The following BABAM2 variants were observed in gnomAD, a reference collection of about 807,000 sequenced individuals.
BABAM2 encodes the protein BRISC and BRCA1 A complex member 2, also known as BRISC and BRCA1-A complex member 2.
A neutral mutation model predicts 54.7 loss-of-function variants in BABAM2; 31 were observed. The ratio of observed to expected loss-of-function variants is 0.57; its 90% CI spans 0.43 to 0.77. The LOEUF (loss-of-function observed/expected upper bound fraction) is 0.77, where lower values mean the gene tolerates loss of function less well. BABAM2 is among the 30% of genes least tolerant of loss of function. The pLI, the probability that BABAM2 is intolerant of heterozygous loss-of-function variation, is 0.00. For synonymous variants in BABAM2, 167 were observed against 162.9 expected (o/e 1.03, Z -0.19); for missense variants, 364 against 455.8 (o/e 0.80, Z 1.83).
chr2:28,216,793 C>A (rs529968507), intron 7 of BABAM2, among the ~76,000 whole-genome samples: 17 of 150,716 alleles, frequency 1.1e-4, no homozygotes, highest in African/African-American at 4.1e-4. Flanking sequence ...CAGTAACTTA[C>A]CCTCTCCTTC....
In BABAM2 at chr2:28,170,927, A is replaced by G. The variant is rs142946494; in HGVS notation, c.680+41547A>G. ...TGTTTAAGTAAAGAACACGGTATAA[A>G]AGGATATATGCTTCAGAGTACATTT... is the stretch of plus-strand genomic sequence containing the variant. On this transcript the variant is annotated intron_variant, in intron 7 of 11. Coordinates refer to ENST00000379624, the MANE Select transcript of BABAM2 (RefSeq NM_199191.3). Among the ~76,000 whole-genome samples, 250 of 152,286 alleles carry G rather than the reference A, an allele frequency of 1.6e-3. 3 individuals are homozygous for G. The highest frequency in any genetic ancestry group is 1.7e-3 in the Non-Finnish European group (114 of 68,016).
At chr2:27,992,646 T>C (rs575805867) in intron 4 of BABAM2, among the ~76,000 whole-genome samples, 1 of 152,302 alleles carries the variant, frequency 6.6e-6, no homozygotes, top group African/African-American at 2.4e-5. Context: ...AGGAAAATTA[T>C]TGTAGGTTGG....
At chr2:28,170,973 G>C (rs1047299343) in intron 7 of BABAM2, among the ~76,000 whole-genome samples, 1 of 152,142 alleles carries the variant, frequency 6.6e-6, no homozygotes, top group Admixed American at 6.5e-5. Flanking sequence ...GAGTCCCCTC[G>C]TCTTCCAGTT....
At chr2:28,148,130 A>T (rs889514326) in intron 7 of BABAM2, among the ~76,000 whole-genome samples, 1 of 152,216 alleles carries the variant, frequency 6.6e-6, no homozygotes, top group Admixed American at 6.5e-5. Context: ...TGTCAGGTCC[A>T]TTACTTTCAG....
At chr2:28,058,104 A>G (rs1173171055) in intron 6 of BABAM2, among the ~76,000 whole-genome samples, 1 of 152,034 alleles carries the variant, frequency 6.6e-6, no homozygotes, top group Non-Finnish European at 1.5e-5. Flanking sequence ...AGATCACGCT[A>G]CTGCATTCCA....
chr2:28,021,780 C>T (rs1427651066), intron 4 of BABAM2, among the ~76,000 whole-genome samples: 1 of 151,848 alleles, frequency 6.6e-6, no homozygotes, highest in Non-Finnish European at 1.5e-5. Flanking sequence ...ATTTTTTTCC[C>T]CCCGGAAGAT....
rs541789419 is a variant in BABAM2, at chr2:28,210,579, TC to T, written c.681-26621del. On this transcript the variant is annotated intron_variant, in intron 7 of 11. Coordinates refer to ENST00000379624, the MANE Select transcript of BABAM2 (RefSeq NM_199191.3). Reference sequence around the variant, plus strand: ...AGAGAAAGATGCCAAAAGCATGTGCTCCAGGGATTTTGGTTTTCAATGAAAA... The same window carrying T: ...AGAGAAAGATGCCAAAAGCATGTGCTCAGGGATTTTGGTTTTCAATGAAAA... Among the ~76,000 whole-genome samples, 6 of 152,318 alleles carry T rather than the reference TC, an allele frequency of 3.9e-5. No homozygotes were observed. The East Asian group carries it at 1.2e-3, about 29-fold the overall frequency.
intron 6 of BABAM2, among the ~76,000 whole-genome samples, chr2:28,067,480 T>C (rs13414801): frequency 0.56 from 84,678 of 152,002 alleles, 24,863 homozygotes; most frequent in Middle Eastern, 0.72. Context: ...TTCTATCTGT[T>C]GAAATCTTAC....
chr2:27,972,068 G>A (rs980087983), intron 3 of BABAM2, among the ~76,000 whole-genome samples: 1 of 152,150 alleles, frequency 6.6e-6, no homozygotes, highest in Non-Finnish European at 1.5e-5. Context: ...TACATCTGAA[G>A]ATGGACAATA....
intron 3 of BABAM2, among the ~76,000 whole-genome samples, chr2:27,957,185 C>T (rs1029825663): frequency 6.6e-6 from 1 of 152,172 alleles, no homozygotes; most frequent in Non-Finnish European, 1.5e-5. Flanking sequence ...TATCTCACTA[C>T]ACTTGGGTAA....
chr2:27,916,643 A>G (rs1408842085), intron 2 of BABAM2, among the ~76,000 whole-genome samples: 1 of 152,164 alleles, frequency 6.6e-6, no homozygotes, highest in African/African-American at 2.4e-5. Context: ...TAGAGTTTTC[A>G]GTCTAGCAGT....
chr2:28,230,805 C>G (rs1234310476), intron 7 of BABAM2, among the ~76,000 whole-genome samples: 1 of 151,754 alleles, frequency 6.6e-6, no homozygotes, highest in Non-Finnish European at 1.5e-5. Context: ...GTTTTCAGAA[C>G]TATGAATGAT....
At chr2:28,070,551 C>CTTT (rs779324534) in intron 6 of BABAM2, among the ~76,000 whole-genome samples, 7 of 85,742 alleles carry the variant, frequency 8.2e-5, no homozygotes, top group African/African-American at 1.3e-4. Flanking sequence ...AAGTACTTTT[C>CTTT]TTTTCTTTTT....
chr2:28,216,518 A>G lies in BABAM2; in HGVS notation c.681-20684A>G, dbSNP rs564889784. On this transcript the variant is annotated intron_variant, in intron 7 of 11. Transcript: ENST00000379624. ...ACCATCTAATTAGAGTTGCCATGAC[A>G]ACTCTGTTTTCATGCAGTATAACAG... 1.2e-4 allele frequency among the ~76,000 whole-genome samples: 18 copies of G among 152,278 alleles called. No individual in the cohort carries two copies. The East Asian group carries it at 2.7e-3, about 23-fold the overall frequency.
At chr2:28,259,380 A>T (rs1684296491) in intron 10 of BABAM2, among the ~76,000 whole-genome samples, 1 of 151,666 alleles carries the variant, frequency 6.6e-6, no homozygotes, top group Admixed American at 6.6e-5. Context: ...TACCGCACCT[A>T]GCCGGCTAGT....
rs905658340 is a variant in BABAM2, at chr2:28,303,956, C to T, written c.1088+5465C>T. On this transcript the variant is annotated intron_variant, in intron 11 of 11. Coordinates refer to ENST00000379624, the MANE Select transcript of BABAM2 (RefSeq NM_199191.3). ...AGTACCGTGGCGCAATCTTGGCTTA[C>T]TGCAAACTCTGCCTCCCAGATTCAA... Among the ~76,000 whole-genome samples the T allele has an allele frequency of 2.0e-5, 3 of 152,276 alleles. No individual in the cohort carries two copies. In the East Asian group the frequency reaches 5.8e-4, roughly 29 times the overall value.
intron 4 of BABAM2, among the ~76,000 whole-genome samples, chr2:28,002,852 A>G (rs544830978): frequency 6.6e-6 from 1 of 152,354 alleles, no homozygotes; most frequent in South Asian, 2.1e-4. Flanking sequence ...TTTCAAGTAA[A>G]CAAAAGCAGA....
At chr2:28,115,672 G>A in intron 6 of BABAM2, among the ~76,000 whole-genome samples, 1 of 151,704 alleles carries the variant, frequency 6.6e-6, no homozygotes, top group Admixed American at 6.6e-5. Flanking sequence ...AAAAAAAAGA[G>A]TAGGTCCAAT....
chr2:28,166,292 A>G (rs1259590283), intron 7 of BABAM2, among the ~76,000 whole-genome samples: 1 of 152,178 alleles, frequency 6.6e-6, no homozygotes, highest in Non-Finnish European at 1.5e-5. Flanking sequence ...CTTGGAGAGA[A>G]GAGTAACTTG....
Sources: gnomAD v4.1 joint callset for allele counts (sites outside exome capture counted in the v4.1 genomes callset) on GRCh38, gnomAD v4.1.1 for gene constraint, MANE v1.5 for transcripts, NCBI Gene and HGNC (gene_info 2026-07-23, HGNC 2026-07-21) for gene names.